SPAG16: variants seen among roughly 807,000 people sequenced by gnomAD.
SPAG16 encodes the protein sperm-associated antigen 16 protein.
A neutral mutation model predicts 80.4 loss-of-function variants in SPAG16; 86 were observed. The observed-to-expected ratio is 1.07, with a 90% CI of 0.90 to 1.28. SPAG16 has a LOEUF of 1.28. Among genes scored for constraint, SPAG16 ranks in the 50% most tolerant of loss-of-function variants. The pLI is 0.00. For synonymous variants in SPAG16, 294 were observed against 265.9 expected, an observed-to-expected ratio of 1.11 and a Z score of -1.03; for missense variants, 870 against 765.3, an observed-to-expected ratio of 1.14 and a Z score of -1.61.
At chr2:213,385,075 T>G (rs1199363190) in intron 9 of SPAG16, among the ~76,000 whole-genome samples, 1 of 152,204 alleles carries the variant, frequency 6.6e-6, no homozygotes, top group African/African-American at 2.4e-5. Context: ...ACAACTGAGC[T>G]TCTCAATGAT....
chr2:213,359,276 A>G (rs1224635124), intron 7 of SPAG16, among the ~76,000 whole-genome samples: 1 of 152,194 alleles, frequency 6.6e-6, no homozygotes, highest in Non-Finnish European at 1.5e-5. Context: ...CAGAGCTCGA[A>G]TGCCATGCTG....
At position 214,030,936 on chromosome 2, in the gene SPAG16, T is replaced by C. The variant is rs544240868; in HGVS notation, c.1527+16859T>C. Among the ~76,000 whole-genome samples the C allele has an allele frequency of 2.8e-4, 42 of 152,358 alleles. No individual in the cohort carries two copies. The South Asian group carries it at 8.5e-3, about 31-fold the overall frequency. ...TCACTGGATAAATAGCTCAGCATTG[T>C]TGTCCCTCAGTAGGACAGTTGTGAA... On this transcript the variant is annotated intron_variant, in intron 13 of 15. Coordinates refer to ENST00000331683, the MANE Select transcript of SPAG16 (RefSeq NM_024532.5).
chr2:213,959,704 C>T (rs77296797), intron 12 of SPAG16, among the ~76,000 whole-genome samples: 1,612 of 152,272 alleles, frequency 0.011, 37 homozygotes, highest in African/African-American at 0.036. Context: ...CTTTGGAATT[C>T]CAGTCAGCCT....
intron 10 of SPAG16, among the ~76,000 whole-genome samples, chr2:213,834,406 G>T (rs2073965725): frequency 6.6e-6 from 1 of 152,176 alleles, no homozygotes; most frequent in Non-Finnish European, 1.5e-5. Context: ...TAGTTGTGAA[G>T]AAGTGGATTA....
intron 10 of SPAG16, among the ~76,000 whole-genome samples, chr2:213,628,959 C>G (rs575283957): frequency 1.3e-5 from 2 of 152,010 alleles, no homozygotes; most frequent in African/African-American, 4.8e-5. Flanking sequence ...AGCACTGAAC[C>G]TACCCTCAAA....
intron 10 of SPAG16, among the ~76,000 whole-genome samples, chr2:213,672,537 G>A (rs982896259): frequency 2.6e-5 from 4 of 151,738 alleles, no homozygotes; most frequent in South Asian, 2.1e-4. Flanking sequence ...TACATTTCCC[G>A]TCATCTTACT....
At chr2:214,096,851 T>G (rs1036811024) in intron 13 of SPAG16, among the ~76,000 whole-genome samples, 7 of 152,020 alleles carry the variant, frequency 4.6e-5, no homozygotes, top group African/African-American at 1.4e-4. Context: ...TTACATGAAA[T>G]AACAAAAACT....
chr2:213,535,789 A>G (rs1029939518), intron 10 of SPAG16, among the ~76,000 whole-genome samples: 5 of 152,174 alleles, frequency 3.3e-5, no homozygotes, highest in African/African-American at 4.8e-5. Flanking sequence ...AAATGACTAC[A>G]TTCTAACTGT....
chr2:214,390,523 TA>T (rs1160893374), intron 15 of SPAG16, among the ~76,000 whole-genome samples: 1 of 152,038 alleles, frequency 6.6e-6, no homozygotes, highest in Non-Finnish European at 1.5e-5. Flanking sequence ...ACAAACTGGT[TA>T]AAAACAGTCA....
At position 213,803,676 on chromosome 2, in the gene SPAG16, A is replaced by G. The variant is rs547215458; in HGVS notation, c.1071-58809A>G. Among the ~76,000 whole-genome samples, 4 of 152,334 alleles carry G rather than the reference A, an allele frequency of 2.6e-5. No individual in the cohort carries two copies. In the East Asian group the frequency reaches 7.7e-4, roughly 29 times the overall value. On this transcript the variant is annotated intron_variant, in intron 10 of 15. Coordinates refer to ENST00000331683, the MANE Select transcript of SPAG16 (RefSeq NM_024532.5). ...AATTTTTGTCTTCTAGCACCAAAAG[A>G]CTACTGAAAATTTTACTCTGTTTTT... is the stretch of plus-strand genomic sequence containing the variant.
At chr2:214,000,287 G>A (rs1416158055) in intron 12 of SPAG16, among the ~76,000 whole-genome samples, 2 of 152,128 alleles carry the variant, frequency 1.3e-5, no homozygotes, top group African/African-American at 2.4e-5. Context: ...TAAGTCTCAC[G>A]AGTTCTGACG....
chr2:213,445,544 C>T (rs995247019), intron 9 of SPAG16, among the ~76,000 whole-genome samples: 11 of 152,048 alleles, frequency 7.2e-5, no homozygotes, highest in Non-Finnish European at 5.9e-5. Flanking sequence ...CTCCTGTAAT[C>T]CCAGCTACTT....
intron 15 of SPAG16, among the ~76,000 whole-genome samples, chr2:214,226,526 G>C (rs567782548): frequency 3.5e-4 from 53 of 152,194 alleles, no homozygotes; most frequent in Non-Finnish European, 1.9e-4. Context: ...TGTGACAAGT[G>C]TCAAGTTTGG....
chr2:213,371,087 A>G (rs938432266), intron 8 of SPAG16, among the ~76,000 whole-genome samples: 5 of 152,166 alleles, frequency 3.3e-5, no homozygotes, highest in Non-Finnish European at 7.4e-5. Flanking sequence ...TCCAGTTGCT[A>G]AAACTTGGTA....
chr2:214,081,528 T>G (rs1282854471), intron 13 of SPAG16, among the ~76,000 whole-genome samples: 2 of 152,128 alleles, frequency 1.3e-5, no homozygotes, highest in Admixed American at 1.3e-4. Flanking sequence ...AGGCCGAGAT[T>G]GTAATGCTGC....
intron 10 of SPAG16, among the ~76,000 whole-genome samples, chr2:213,630,816 A>G (rs2062122799): frequency 1.3e-5 from 2 of 152,170 alleles, no homozygotes; most frequent in African/African-American, 2.4e-5. Flanking sequence ...CTCAAAATTC[A>G]GCTGAGTTGG....
Position 214,286,369 on chromosome 2 carries a change from A to G in SPAG16, c.1721-123771A>G, listed in dbSNP as rs144803268. On this transcript the variant is annotated intron_variant, in intron 15 of 15. Coordinates refer to ENST00000331683, the MANE Select transcript of SPAG16 (RefSeq NM_024532.5). Reference sequence around the variant, plus strand: ...AATCTTCAGGGATCCCAAAAAGTTTATATGAATGCTTATGTAATTTATTTC... The same window carrying G: ...AATCTTCAGGGATCCCAAAAAGTTTGTATGAATGCTTATGTAATTTATTTC... Among the ~76,000 whole-genome samples the G allele has an allele frequency of 5.9e-3, 896 of 152,316 alleles. 2 individuals are homozygous for G. Among genetic ancestry groups the G allele is most frequent in the Non-Finnish European group, 7.4e-3 (501 of 68,024 alleles).
intron 10 of SPAG16, among the ~76,000 whole-genome samples, chr2:213,743,205 ATTG>A (rs1280799384): frequency 2.0e-5 from 3 of 152,128 alleles, no homozygotes; most frequent in African/African-American, 4.8e-5. Flanking sequence ...GCCCGGCTGT[ATTG>A]TTGTTTTTTA....
At chr2:213,594,918 A>T (rs1156689927) in intron 10 of SPAG16, among the ~76,000 whole-genome samples, 11 of 152,026 alleles carry the variant, frequency 7.2e-5, no homozygotes, top group African/African-American at 2.4e-4. Context: ...GAATTAACTT[A>T]CTTTTGCATT....
Sources: allele counts gnomAD v4.1 joint callset (sites outside exome capture counted in the v4.1 genomes callset), GRCh38; gene constraint gnomAD v4.1.1; transcripts MANE v1.5; gene names NCBI Gene and HGNC (gene_info 2026-07-23, HGNC 2026-07-21).